GPC3: variants seen among roughly 807,000 people sequenced by gnomAD.
GPC3 encodes the protein glypican-3.
A neutral mutation model predicts 34.4 loss-of-function variants in GPC3; 3 were observed. The ratio of observed to expected loss-of-function variants is 0.09; its 90% CI spans 0.04 to 0.23. The LOEUF (loss-of-function observed/expected upper bound fraction) is 0.23, where lower values mean the gene tolerates loss of function less well. GPC3 is among the 10% of genes least tolerant of loss of function. The pLI, the probability that GPC3 is intolerant of heterozygous loss-of-function variation, is 1.00. For missense variants in GPC3, 351 were observed against 445.6 expected (o/e 0.79, Z 1.91); for synonymous variants, 177 against 174.0 (o/e 1.02, Z -0.13).
intron 6 of GPC3, among the ~76,000 whole-genome samples, chrX:133,628,035 T>C (rs1025571113): frequency 1.8e-5 from 2 of 112,481 alleles, no homozygotes; most frequent in African/African-American, 6.5e-5. Flanking sequence ...TTAAGAAGTA[T>C]GACTTTTTGT....
chrX:133,890,438 C>G (rs1172722315), intron 2 of GPC3, among the ~76,000 whole-genome samples: 1 of 110,780 alleles, frequency 9.0e-6, no homozygotes, highest in African/African-American at 3.3e-5. Context: ...AATATATAGG[C>G]CAGGCATGGT....
At chrX:133,982,077 T>C (rs2076542746) in intron 1 of GPC3, among the ~76,000 whole-genome samples, 1 of 112,407 alleles carries the variant, frequency 8.9e-6, no homozygotes, top group Admixed American at 9.4e-5. Flanking sequence ...GGAATTTTTT[T>C]CCAGACTTCT....
At chrX:133,683,971 A>T (rs2070971036) in intron 5 of GPC3, among the ~76,000 whole-genome samples, 2 of 112,186 alleles carry the variant, frequency 1.8e-5, no homozygotes, top group Non-Finnish European at 3.8e-5. Context: ...CCTTACCAGG[A>T]TTTAAAAAAA....
At chrX:133,795,498 A>G (rs2075573870) in intron 2 of GPC3, among the ~76,000 whole-genome samples, 1 of 111,729 alleles carries the variant, frequency 9.0e-6, no homozygotes, top group Non-Finnish European at 1.9e-5. Flanking sequence ...TCCAGCTTCT[A>G]TTCTCAAAAA....
intron 2 of GPC3, among the ~76,000 whole-genome samples, chrX:133,850,199 T>G (rs574483096): frequency 4.9e-5 from 5 of 101,250 alleles, no homozygotes; most frequent in South Asian, 4.5e-4. Context: ...GTTTTGTTTT[T>G]TTTTTTTTTT....
At chrX:133,728,738 T>A (rs58854932) in intron 3 of GPC3, among the ~76,000 whole-genome samples, 1,748 of 112,444 alleles carry the variant, frequency 0.016, 29 homozygotes, top group African/African-American at 0.054. Flanking sequence ...ATTAGCTATT[T>A]GTATGCAATT....
At chrX:133,685,802 A>C (rs1406737856) in intron 5 of GPC3, among the ~76,000 whole-genome samples, 1 of 105,215 alleles carries the variant, frequency 9.5e-6, no homozygotes, top group East Asian at 3.0e-4. Context: ...CTGTGTGCCC[A>C]GGCAGGACTG....
At chrX:133,575,351 T>C (rs149530197) in intron 7 of GPC3, among the ~76,000 whole-genome samples, 261 of 111,822 alleles carry the variant, frequency 2.3e-3, no homozygotes, top group African/African-American at 8.1e-3. Flanking sequence ...ATAAACCTCA[T>C]TGGCTACAAT....
At chrX:133,753,355 A>T in intron 3 of GPC3, 127 bp downstream of exon 3, 2 of 558,139 alleles carry the variant, frequency 3.6e-6, no homozygotes, top group Non-Finnish European at 6.4e-6. Context: ...CTGTGAGGTC[A>T]TTCAGTCCAT....
rs1602580195 is a variant in GPC3, at chrX:133,984,164, C to A, written c.175+1111G>T. Among the ~76,000 whole-genome samples the A allele has an allele frequency of 2.6e-5, 3 of 113,690 alleles. No individual in the cohort carries two copies. The Admixed American group carries it at 2.8e-4, about 10-fold the overall frequency. ...TTTTGGCTAGGGCTGCTCCCCGATC[C>A]CTCGGAAGCGCGGGACGCGCGCCTC... On this transcript the variant is annotated intron_variant, in intron 1 of 7. Coordinates refer to ENST00000370818, the MANE Select transcript of GPC3 (RefSeq NM_004484.4).
intron 2 of GPC3, among the ~76,000 whole-genome samples, chrX:133,758,539 G>C (rs1365334385): frequency 1.8e-5 from 2 of 110,501 alleles, no homozygotes; most frequent in Middle Eastern, 4.7e-3. Context: ...ACACACACTG[G>C]GGCTTGTTGA....
chrX:133,764,924 C>T lies in GPC3; in HGVS notation c.338-10748G>A, dbSNP rs146225952. Among the ~76,000 whole-genome samples the T allele has an allele frequency of 8.5e-3, 944 of 111,596 alleles. 14 individuals carry two copies. Among genetic ancestry groups the T allele is most frequent in the African/African-American group, 0.029 (900 of 30,735 alleles). Reference sequence around the variant, plus strand: ...CTTGGTTGATTGGAAAATAGTCTTACTTATTCAACATTCTCACGGCTAAGA... The same window carrying T: ...CTTGGTTGATTGGAAAATAGTCTTATTTATTCAACATTCTCACGGCTAAGA... On this transcript the variant is annotated intron_variant, in intron 2 of 7. Transcript: ENST00000370818.
chrX:133,905,243 AAC>A (rs1192867973), intron 2 of GPC3, among the ~76,000 whole-genome samples: 2 of 112,515 alleles, frequency 1.8e-5, no homozygotes, highest in African/African-American at 6.5e-5. Flanking sequence ...ACTGGAGGGA[AAC>A]ATTCATAAAA....
At chrX:133,662,553 A>G (rs1159876337) in intron 5 of GPC3, among the ~76,000 whole-genome samples, 1 of 112,209 alleles carries the variant, frequency 8.9e-6, no homozygotes, top group Admixed American at 9.4e-5. Flanking sequence ...TAACTATTTA[A>G]AGTACTAGGC....
intron 7 of GPC3, among the ~76,000 whole-genome samples, chrX:133,549,126 C>T (rs1287783831): frequency 9.0e-6 from 1 of 111,222 alleles, no homozygotes; most frequent in Non-Finnish European, 1.9e-5. Flanking sequence ...CACCTTTGGA[C>T]CTGCATGTCA....
At chrX:133,551,148 C>G (rs1181771902) in intron 7 of GPC3, among the ~76,000 whole-genome samples, 2 of 105,250 alleles carry the variant, frequency 1.9e-5, no homozygotes, top group African/African-American at 7.0e-5. Flanking sequence ...ACCCTTCGCC[C>G]TTGGCCACAC....
intron 2 of GPC3, among the ~76,000 whole-genome samples, chrX:133,824,912 G>A (rs923606582): frequency 8.9e-6 from 1 of 112,283 alleles, no homozygotes; most frequent in Admixed American, 9.4e-5. Flanking sequence ...GCAGTGGCGC[G>A]ATCTCAGCTC....
At chrX:133,734,560 G>T (rs1183403650) in intron 3 of GPC3, among the ~76,000 whole-genome samples, 1 of 104,449 alleles carries the variant, frequency 9.6e-6, no homozygotes, top group Non-Finnish European at 2.0e-5. Flanking sequence ...AAAGGAAAAG[G>T]AAAGAAGAAA....
intron 2 of GPC3, among the ~76,000 whole-genome samples, chrX:133,858,489 A>G (rs1268802679): frequency 9.0e-6 from 1 of 111,270 alleles, no homozygotes; most frequent in Non-Finnish European, 1.9e-5. Flanking sequence ...GCACTCTCAT[A>G]TATCTCTCTC....
Sources: allele counts gnomAD v4.1 joint callset (sites outside exome capture counted in the v4.1 genomes callset), GRCh38; gene constraint gnomAD v4.1.1; transcripts MANE v1.5; gene names NCBI Gene and HGNC (gene_info 2026-07-23, HGNC 2026-07-21).